MRPL10: variants seen among roughly 807,000 people sequenced by gnomAD.
MRPL10 encodes large ribosomal subunit protein uL10m.
In MRPL10, 14 loss-of-function variants were observed where a neutral mutation model predicts 19.8. The observed-to-expected ratio is 0.71, with a 90% CI of 0.47 to 1.11. The LOEUF (loss-of-function observed/expected upper bound fraction) is 1.11. Ranked by LOEUF, MRPL10 falls within the 50% of genes least tolerant of loss-of-function variation. The pLI, the probability that MRPL10 is intolerant of heterozygous loss-of-function variation, is 0.00. For synonymous variants in MRPL10, 129 were observed against 139.2 expected (o/e 0.93, Z 0.52); for missense variants, 318 against 339.6 (o/e 0.94, Z 0.50).
intron 4 of MRPL10, 50 bp downstream of exon 4, chr17:47,826,587 C>T: frequency 6.2e-7 from 1 of 1,605,516 alleles, no homozygotes; most frequent in South Asian, 1.1e-5. Context: ...TAGCAGATGG[C>T]AGCAGGCCCC....
chr17:47,826,578 A>G (rs1378255599), intron 4 of MRPL10, 59 bp downstream of exon 4: 1 of 1,598,784 alleles, frequency 6.3e-7, no homozygotes, highest in African/African-American at 1.3e-5. Flanking sequence ...AGACAAGCCT[A>G]GCAGATGGCA....
rs1364059022 is a variant in MRPL10 at position 47,828,492 on chromosome 17, C to A, written c.222+9G>T. ...CCACCAAGTGACATGTACCCAAATT[C>A]CTCCTTACCTCCTGTGGGGGGCTGG... is the stretch of plus-strand genomic sequence containing the variant. On this transcript the variant is annotated intron_variant, in intron 2 of 4. Transcript: ENST00000351111. 7.1e-7 allele frequency: 1 copy of A among 1,407,854 alleles called. No individual in the cohort carries two copies. Among genetic ancestry groups the A allele is most frequent in the Non-Finnish European group, 9.3e-7 (1 of 1,075,312 alleles). The allele number at this position is 1,407,854 out of a possible 1,614,324, so 87.2% of individuals were successfully genotyped here.
rs1225191778 is a variant in MRPL10, at chr17:47,826,636, C to T, written c.532+1G>A. On this transcript the variant is annotated splice_donor_variant, in intron 4 of 4. Transcript: ENST00000351111. LOFTEE classifies it high-confidence loss of function. ...CCTAACTGGCAGGGGTGCTTGCTCA[C>T]CTAGCAGCGGCAGGAATGGCACAGT... The T allele has an allele frequency of 6.2e-7, 1 of 1,613,226 alleles. No individual in the cohort carries two copies. The highest frequency in any genetic ancestry group is 1.7e-5 in the Admixed American group (1 of 60,014).
chr17:47,825,824 A>G (rs2033523180), intron 4 of MRPL10, among the ~76,000 whole-genome samples: 1 of 152,174 alleles, frequency 6.6e-6, no homozygotes, highest in Non-Finnish European at 1.5e-5. Flanking sequence ...AATAAATATC[A>G]TGGAGTGTTG....
intron 2 of MRPL10, among the ~76,000 whole-genome samples, chr17:47,827,465 C>A (rs923958381): frequency 6.6e-6 from 1 of 152,212 alleles, no homozygotes; most frequent in Non-Finnish European, 1.5e-5. Flanking sequence ...CCCCCGAAAA[C>A]AGGCCTGCAG....
Position 47,827,047 on chromosome 17 carries a change from G to A in MRPL10, c.380C>T (p.Pro127Leu). The change falls in exon 3 of 5, where the codon CCC becomes CTC. Residue 127 changes from proline to leucine, a missense_variant. Transcript: ENST00000351111. ...AAGGGGCCTGCTCCCTACCTGGTTG[G>A]GGAAGACCTTCATCAGGATCTTGTG... The part of the protein sequence containing the change: ...RKHKILMKVF[P>L]NQVLKPFLED... 6.2e-7 allele frequency: 1 copy of A among 1,611,286 alleles called. No individual in the cohort carries two copies. The highest frequency in any genetic ancestry group is 8.5e-7 in the Non-Finnish European group (1 of 1,178,390).
chr17:47,826,941 G>T (rs1325984365), intron 3 of MRPL10, 99 bp downstream of exon 3: 22 of 1,455,610 alleles, frequency 1.5e-5, no homozygotes, highest in Middle Eastern at 1.8e-4. Context: ...TGGAGAGGAG[G>T]AGTAAGAAGT....
At chr17:47,829,282 G>GAAGGAAGA (rs752407564) in intron 1 of MRPL10, 4 of 149,042 alleles carry the variant, frequency 2.7e-5, no homozygotes, top group African/African-American at 1.0e-4. Context: ...AAGAAGGAAG[G>GAAGGAAGA]AAGGAAGGAA....
At chr17:47,829,214 A>T in intron 1 of MRPL10, 1 of 155,914 alleles carries the variant, frequency 6.4e-6, no homozygotes, top group Non-Finnish European at 1.4e-5. Context: ...CAGTGAGCCG[A>T]GATCATGCCA....
At chr17:47,831,336 G>C in intron 1 of MRPL10, 124 bp downstream of exon 1, 1 of 1,537,224 alleles carries the variant, frequency 6.5e-7, no homozygotes, top group Non-Finnish European at 8.7e-7. Context: ...GAACTGGACG[G>C]GGTAAGGAGG....
chr17:47,828,513 G>C lies in MRPL10; in HGVS notation c.210C>G (p.Ser70Arg), dbSNP rs758809916. 6.9e-7 allele frequency: 1 copy of C among 1,442,912 alleles called. No individual in the cohort carries two copies. The highest frequency in any genetic ancestry group is 2.9e-5 in the Admixed American group (1 of 34,238). The allele number at this position is 1,442,912 out of a possible 1,614,324, so 89.4% of individuals were successfully genotyped here. A position where few individuals can be genotyped will look rare whatever the true frequency, so the allele number is the denominator to read the frequency against. Residue 70 changes from serine (S) to arginine (R), a missense_variant, in exon 2 of 5, where the codon AGC becomes AGG. Ser to Arg is a moderately radical substitution (Grantham distance 110). Transcript: ENST00000351111. ...IHPSCLPSPPSPPQEEIGLIR... is the reference protein window; with the variant it reads ...IHPSCLPSPPRPPQEEIGLIR... ...AATTCCTCCTTACCTCCTGTGGGGG[G>C]CTGGGAGGAGATGGCAGGCATGATG...
intron 4 of MRPL10, 119 bp from the exon 5 acceptor site, chr17:47,824,577 A>C: frequency 9.5e-6 from 12 of 1,264,354 alleles, no homozygotes; most frequent in Non-Finnish European, 1.2e-5. Context: ...CTTCCCCAGG[A>C]CCTGGGTTCC....
intron 2 of MRPL10, among the ~76,000 whole-genome samples, chr17:47,827,612 C>T (rs6503871): frequency 0.89 from 135,913 of 152,142 alleles, 61,068 homozygotes; most frequent in Middle Eastern, 0.98. Flanking sequence ...AATTGAGAAA[C>T]TTGGCTGGGC....
At position 47,828,573 on chromosome 17, in the gene MRPL10, C is replaced by T. The variant is rs755582904; in HGVS notation, c.150G>A (p.Val50=). The change falls in exon 2 of 5, where the codon GTG becomes GTA. Residue 50 remains valine (V), a synonymous_variant. Coordinates refer to ENST00000351111, the MANE Select transcript of MRPL10 (RefSeq NM_145255.4). ...CTGGTTTCGGGGGGATATATTCAGTCACAGCCATCAGCTTCTGCCGCTGAA... is the reference window on the plus strand; with the variant it reads ...CTGGTTTCGGGGGGATATATTCAGTTACAGCCATCAGCTTCTGCCGCTGAA... ...MHFQRQKLMA[V]TEYIPPKPAI... is the part of the protein sequence containing the mutation. 2 of 1,512,518 alleles carry T rather than the reference C, an allele frequency of 1.3e-6. No homozygotes were observed. The highest frequency in any genetic ancestry group is 8.8e-7 in the Non-Finnish European group (1 of 1,137,218). 93.7% of individuals were successfully genotyped at this position (1,512,518 alleles called of 1,614,324 possible).
intron 1 of MRPL10, chr17:47,829,311 A>C (rs993571278): frequency 1.3e-5 from 2 of 153,236 alleles, no homozygotes; most frequent in African/African-American, 2.4e-5. Flanking sequence ...AGAGAGAGAG[A>C]GAGAAAGAAA....
At chr17:47,831,252 G>C in intron 1 of MRPL10, 1 of 1,366,946 alleles carries the variant, frequency 7.3e-7, no homozygotes, top group Admixed American at 2.4e-5. Flanking sequence ...GGCGAGGAGT[G>C]GTCCAGGCAA....
Position 47,828,682 on chromosome 17 carries a change from T to G in MRPL10, c.53-12A>C. On this transcript the variant is annotated splice_polypyrimidine_tract_variant and intron_variant, in intron 1 of 4. Transcript: ENST00000351111. ...GGTAGGCAGCCGGCCTGGGAGGGCATATAGCAACATGGTTAGAGGCAACCT... is the reference window on the plus strand; with the variant it reads ...GGTAGGCAGCCGGCCTGGGAGGGCAGATAGCAACATGGTTAGAGGCAACCT... The G allele has an allele frequency of 6.6e-7, 1 of 1,506,150 alleles. No individual in the cohort carries two copies. Among genetic ancestry groups the G allele is most frequent in the Non-Finnish European group, 8.8e-7 (1 of 1,139,902 alleles). The allele number at this position is 1,506,150 out of a possible 1,614,324, so 93.3% of individuals were successfully genotyped here.
chr17:47,825,081 C>A (rs1036925184), intron 4 of MRPL10, among the ~76,000 whole-genome samples: 6 of 149,354 alleles, frequency 4.0e-5, no homozygotes, highest in Non-Finnish European at 5.9e-5. Flanking sequence ...GTAATCCCAG[C>A]ACTTTGGGAG....
chr17:47,826,338 A>G (rs2033532269), intron 4 of MRPL10, among the ~76,000 whole-genome samples: 1 of 151,786 alleles, frequency 6.6e-6, no homozygotes. Flanking sequence ...AAATATCTTC[A>G]TCTGTGAGGG....
Sources: allele counts gnomAD v4.1 joint callset (sites outside exome capture counted in the v4.1 genomes callset), GRCh38; gene constraint gnomAD v4.1.1; transcripts MANE v1.5; gene names NCBI Gene and HGNC (gene_info 2026-07-23, HGNC 2026-07-21).